Variants in NKAIN2 observed in about 807,000 individuals in gnomAD.
NKAIN2 encodes sodium/potassium-transporting ATPase subunit beta-1-interacting protein 2.
A neutral mutation model predicts 32.6 loss-of-function variants in NKAIN2; 14 were observed. That is an observed-to-expected ratio of 0.43 (90% CI 0.28 to 0.67). The LOEUF (loss-of-function observed/expected upper bound fraction) is 0.67, where lower values mean the gene tolerates loss of function less well. Ranked by LOEUF, NKAIN2 falls within the 30% of genes least tolerant of loss-of-function variation. NKAIN2 has a pLI of 0.17. For missense variants in NKAIN2, 198 were observed against 258.3 expected, an observed-to-expected ratio of 0.77 and a Z score of 1.60; for synonymous variants, 80 against 87.2, an observed-to-expected ratio of 0.92 and a Z score of 0.46.
At chr6:124,520,160 A>G (rs1234448604) in intron 3 of NKAIN2, among the ~76,000 whole-genome samples, 3 of 152,166 alleles carry the variant, frequency 2.0e-5, no homozygotes. Flanking sequence ...AATCTTCCCT[A>G]TGTACTCTCA....
intron 4 of NKAIN2, among the ~76,000 whole-genome samples, chr6:124,661,557 A>G (rs1004196972): frequency 4.6e-5 from 7 of 152,166 alleles, no homozygotes; most frequent in African/African-American, 1.7e-4. Context: ...GATATCTCCA[A>G]TCTACAGCCA....
chr6:124,234,787 A>G (rs899749202), intron 1 of NKAIN2, among the ~76,000 whole-genome samples: 2 of 152,204 alleles, frequency 1.3e-5, no homozygotes, highest in Non-Finnish European at 2.9e-5. Flanking sequence ...TCTAAATAAT[A>G]TTCTAAAACT....
intron 1 of NKAIN2, among the ~76,000 whole-genome samples, chr6:124,207,097 T>A (rs1790932616): frequency 6.6e-6 from 1 of 151,598 alleles, no homozygotes; most frequent in South Asian, 2.1e-4. Flanking sequence ...GTAAGTGTTT[T>A]CTGAATAAAT....
rs550985689 is a variant in NKAIN2 at position 124,142,663 on chromosome 6, AT to A, written c.55-140338del. Among the ~76,000 whole-genome samples, 52 of 152,306 alleles carry A rather than the reference AT, an allele frequency of 3.4e-4. 1 individual carries two copies. In the East Asian group the frequency reaches 9.1e-3, roughly 27 times the overall value. On this transcript the variant is annotated intron_variant, in intron 1 of 6. Transcript: ENST00000368417. Reference sequence around the variant, plus strand: ...GTGTTTTATTTGATAAAGAATTTAGATTTTACGGTCCATATTTTCAAGAACA... The same window carrying A: ...GTGTTTTATTTGATAAAGAATTTAGATTTACGGTCCATATTTTCAAGAACA...
intron 1 of NKAIN2, among the ~76,000 whole-genome samples, chr6:123,818,339 C>G (rs1386326917): frequency 7.1e-6 from 1 of 141,724 alleles, no homozygotes; most frequent in Non-Finnish European, 1.5e-5. Context: ...AACAAATTTT[C>G]AGACTTCTTG....
intron 3 of NKAIN2, among the ~76,000 whole-genome samples, chr6:124,500,972 A>C (rs1219790271): frequency 1.3e-5 from 2 of 152,216 alleles, no homozygotes; most frequent in Non-Finnish European, 2.9e-5. Flanking sequence ...TGCAAAGATA[A>C]GATGTAGAAA....
chr6:124,424,689 C>T (rs1433315663), intron 3 of NKAIN2, among the ~76,000 whole-genome samples: 1 of 149,988 alleles, frequency 6.7e-6, no homozygotes, highest in Non-Finnish European at 1.5e-5. Context: ...TTTTGTCTGA[C>T]TTATTTTACT....
chr6:124,352,010 TG>T (rs1798756781), intron 2 of NKAIN2, among the ~76,000 whole-genome samples: 1 of 152,206 alleles, frequency 6.6e-6, no homozygotes, highest in Non-Finnish European at 1.5e-5. Context: ...TCAAGTATTG[TG>T]TACTTTCAAA....
intron 5 of NKAIN2, among the ~76,000 whole-genome samples, chr6:124,811,503 CTTT>C (rs961810792): frequency 6.6e-6 from 1 of 150,684 alleles, no homozygotes; most frequent in Non-Finnish European, 1.5e-5. Flanking sequence ...TATTCAAAAA[CTTT>C]TTTATCTTAC....
chr6:124,800,782 C>A (rs941758248), intron 5 of NKAIN2, among the ~76,000 whole-genome samples: 2 of 152,080 alleles, frequency 1.3e-5, no homozygotes, highest in African/African-American at 4.8e-5. Context: ...TAAATGGTGA[C>A]CAGACCTCAG....
chr6:124,422,301 AT>A (rs1334064358), intron 3 of NKAIN2, among the ~76,000 whole-genome samples: 1 of 152,020 alleles, frequency 6.6e-6, no homozygotes, highest in African/African-American at 2.4e-5. Flanking sequence ...TGAAAAGACA[AT>A]AGCAAATAAT....
At chr6:123,980,529 G>C (rs1295723054) in intron 1 of NKAIN2, among the ~76,000 whole-genome samples, 5 of 152,282 alleles carry the variant, frequency 3.3e-5, no homozygotes, top group Non-Finnish European at 2.9e-5. Flanking sequence ...TCACTGCTAA[G>C]TACTCTGTAA....
At chr6:124,150,696 C>T (rs910263882) in intron 1 of NKAIN2, among the ~76,000 whole-genome samples, 12 of 152,172 alleles carry the variant, frequency 7.9e-5, no homozygotes, top group South Asian at 2.1e-4. Context: ...TCTGTAATGT[C>T]GGTCCCTAGA....
At chr6:124,695,295 G>A (rs1774447286) in intron 4 of NKAIN2, among the ~76,000 whole-genome samples, 1 of 152,098 alleles carries the variant, frequency 6.6e-6, no homozygotes, top group South Asian at 2.1e-4. Flanking sequence ...GACTGCAGAA[G>A]ATTTAGATAC....
intron 1 of NKAIN2, among the ~76,000 whole-genome samples, chr6:124,174,797 G>A (rs879371846): frequency 6.6e-6 from 1 of 152,132 alleles, no homozygotes; most frequent in East Asian, 1.9e-4. Context: ...AGGCAACCTT[G>A]GTGTCCAGGA....
chr6:124,394,294 G>T (rs1411556074), intron 3 of NKAIN2, among the ~76,000 whole-genome samples: 1 of 152,076 alleles, frequency 6.6e-6, no homozygotes, highest in Non-Finnish European at 1.5e-5. Context: ...ATTCTGTTAA[G>T]GGAGTTTGAT....
At chr6:124,538,918 C>T (rs1779812796) in intron 3 of NKAIN2, among the ~76,000 whole-genome samples, 1 of 151,930 alleles carries the variant, frequency 6.6e-6, no homozygotes, top group African/African-American at 2.4e-5. Flanking sequence ...TGTTTTATTT[C>T]TGCTTGCTAT....
At chr6:124,210,161 G>A (rs369057305) in intron 1 of NKAIN2, among the ~76,000 whole-genome samples, 2 of 151,448 alleles carry the variant, frequency 1.3e-5, no homozygotes, top group African/African-American at 2.4e-5. Context: ...TCATTCTTCT[G>A]CATAAGGATA....
chr6:123,889,044 T>C (rs1773867743), intron 1 of NKAIN2, among the ~76,000 whole-genome samples: 1 of 152,162 alleles, frequency 6.6e-6, no homozygotes, highest in African/African-American at 2.4e-5. Context: ...ATTGAAAGGA[T>C]AAGACCCAGA....
Sources: allele counts gnomAD v4.1 joint callset (sites outside exome capture counted in the v4.1 genomes callset), GRCh38; gene constraint gnomAD v4.1.1; transcripts MANE v1.5; gene names NCBI Gene and HGNC (gene_info 2026-07-23, HGNC 2026-07-21).